DDX31: variants seen among roughly 807,000 people sequenced by gnomAD.
DDX31 encodes DEAD-box helicase 31, also known as ATP-dependent DNA helicase DDX31.
A neutral mutation model predicts 91.3 loss-of-function variants in DDX31; 70 were observed. The ratio of observed to expected loss-of-function variants is 0.77; its 90% CI spans 0.63 to 0.94. The LOEUF (loss-of-function observed/expected upper bound fraction) is 0.94, where lower values mean the gene tolerates loss of function less well. Ranked by LOEUF, DDX31 falls within the 40% of genes least tolerant of loss-of-function variation. The pLI, the probability that DDX31 is intolerant of heterozygous loss-of-function variation, is 0.00. For synonymous variants in DDX31, 362 were observed against 350.6 expected (o/e 1.03, Z -0.36); for missense variants, 902 against 925.0 (o/e 0.98, Z 0.32).
At chr9:132,665,040 C>T (rs1449897719) in intron 1 of DDX31, among the ~76,000 whole-genome samples, 7 of 152,190 alleles carry the variant, frequency 4.6e-5, no homozygotes, top group Non-Finnish European at 1.0e-4. Context: ...GTATTCTCCT[C>T]CATAGCATTC....
rs141636725 is a variant in DDX31 at position 132,643,342 on chromosome 9, T to G, written c.1381-1279A>C. ...CACTTGAGTTGGTCACATTCACCTG[T>G]CAGCAGCAAATACAAAGAAATAGAA... On this transcript the variant is annotated intron_variant, in intron 13 of 19. Transcript: ENST00000372159. 3.5e-4 allele frequency among the ~76,000 whole-genome samples: 53 copies of G among 152,316 alleles called. No individual in the cohort carries two copies. The East Asian group carries it at 9.5e-3, about 27-fold the overall frequency.
At chr9:132,601,193 T>C (rs1160114824) in intron 19 of DDX31, among the ~76,000 whole-genome samples, 3 of 152,152 alleles carry the variant, frequency 2.0e-5, no homozygotes, top group African/African-American at 7.2e-5. Flanking sequence ...GTCTACCACA[T>C]CTGCAGGAAC....
chr9:132,601,970 C>A (rs188492727), intron 19 of DDX31, among the ~76,000 whole-genome samples: 2 of 152,098 alleles, frequency 1.3e-5, no homozygotes, highest in Non-Finnish European at 2.9e-5. Context: ...ATTAACAGCA[C>A]GAAAAAGAGA....
At chr9:132,642,192 G>C in intron 13 of DDX31, 129 bp from the exon 14 acceptor site, 1 of 789,960 alleles carries the variant, frequency 1.3e-6, no homozygotes, top group Middle Eastern at 2.3e-4. Context: ...GGTTTGCCAG[G>C]AAAGAGGAAG....
Position 132,619,777 on chromosome 9 carries a change from A to AT in DDX31, c.1714-1337dup, listed in dbSNP as rs113789940. 4.3e-3 allele frequency among the ~76,000 whole-genome samples: 619 copies of AT among 142,436 alleles called. 2 individuals carry two copies. Among genetic ancestry groups the AT allele is most frequent in the South Asian group, 0.018 (81 of 4,476 alleles). The allele number at this position is 142,436 out of a possible 152,430, so 93.4% of individuals were successfully genotyped here. The stretch of plus-strand genomic sequence containing the variant: ...ACATTTGCTATTGTCATTAACAAGG[A>AT]TTTTTTTTTTTTTACCCTCTTAACT... On this transcript the variant is annotated intron_variant, in intron 17 of 19. Transcript: ENST00000372159.
chr9:132,660,348 A>G (rs1394647092), intron 4 of DDX31, among the ~76,000 whole-genome samples: 1 of 151,850 alleles, frequency 6.6e-6, no homozygotes, highest in Non-Finnish European at 1.5e-5. Context: ...AAAAAAAAAA[A>G]AAAAGAAAAA....
At chr9:132,642,215 T>C (rs1249139106) in intron 13 of DDX31, 152 bp from the exon 14 acceptor site, 2 of 709,598 alleles carry the variant, frequency 2.8e-6, no homozygotes, top group Middle Eastern at 2.4e-4. Context: ...GCGGATTCTT[T>C]ACATCTTCTA....
chr9:132,600,567 T>G (rs1309676451), intron 19 of DDX31, among the ~76,000 whole-genome samples: 2 of 152,142 alleles, frequency 1.3e-5, no homozygotes, highest in Non-Finnish European at 2.9e-5. Flanking sequence ...CCCGGCACAC[T>G]TGCTGCCTGG....
chr9:132,667,119 G>T (rs1835364859), intron 1 of DDX31, among the ~76,000 whole-genome samples: 1 of 151,978 alleles, frequency 6.6e-6, no homozygotes, highest in African/African-American at 2.4e-5. Flanking sequence ...AAAGTGATGA[G>T]ATTACAGGTG....
chr9:132,651,062 T>C lies in DDX31; in HGVS notation c.675+13A>G. ...AGCAAGCAAGATGAAATGGAACTCA[T>C]GGTTTGCCTTACCTTAAGCAGTTTC... On this transcript the variant is annotated intron_variant, in intron 8 of 19. Coordinates refer to ENST00000372159, the MANE Select transcript of DDX31 (RefSeq NM_022779.9). 1 of 1,608,148 alleles carries C rather than the reference T, an allele frequency of 6.2e-7. No individual in the cohort carries two copies. The highest frequency in any genetic ancestry group is 1.3e-5 in the African/African-American group (1 of 74,748).
At chr9:132,609,627 T>C (rs958704028) in intron 19 of DDX31, among the ~76,000 whole-genome samples, 4 of 152,190 alleles carry the variant, frequency 2.6e-5, no homozygotes, top group African/African-American at 9.7e-5. Flanking sequence ...TGTTTCTTTT[T>C]TTTTTCTTCT....
intron 19 of DDX31, among the ~76,000 whole-genome samples, chr9:132,609,114 C>A (rs1042942458): frequency 2.0e-5 from 3 of 152,010 alleles, no homozygotes; most frequent in East Asian, 1.9e-4. Context: ...GGCATAGCAA[C>A]GGAAAAAGTA....
chr9:132,630,443 G>T, intron 15 of DDX31, 40 bp from the exon 16 acceptor site: 1 of 1,548,270 alleles, frequency 6.5e-7, no homozygotes, highest in South Asian at 1.2e-5. Flanking sequence ...CATAGATCAA[G>T]GGACTGCCAT....
At chr9:132,644,498 A>G (rs1262679736) in intron 13 of DDX31, among the ~76,000 whole-genome samples, 1 of 152,222 alleles carries the variant, frequency 6.6e-6, no homozygotes, top group Non-Finnish European at 1.5e-5. Context: ...GACAGCCAGG[A>G]CAAGACCACA....
intron 19 of DDX31, among the ~76,000 whole-genome samples, chr9:132,599,632 A>G (rs915780077): frequency 1.3e-5 from 2 of 152,254 alleles, no homozygotes; most frequent in Non-Finnish European, 2.9e-5. Context: ...GAAATGCCAG[A>G]GTATTTTAAT....
intron 14 of DDX31, among the ~76,000 whole-genome samples, chr9:132,640,280 T>C (rs1833413038): frequency 6.6e-6 from 1 of 152,004 alleles, no homozygotes; most frequent in Non-Finnish European, 1.5e-5. Context: ...CTAAAGATGG[T>C]TTAGTCAAAA....
chr9:132,620,869 A>C (rs978447440), intron 17 of DDX31, among the ~76,000 whole-genome samples: 9 of 152,194 alleles, frequency 5.9e-5, no homozygotes, highest in African/African-American at 1.9e-4. Context: ...GTACTGGTTA[A>C]TGAAGCTAAC....
rs750140971 is a variant in DDX31 at position 132,630,405 on chromosome 9, T to C, written c.1492-2A>G. 2 of 1,580,212 alleles carry C rather than the reference T, an allele frequency of 1.3e-6. No homozygotes were observed. Among genetic ancestry groups the C allele is most frequent in the Admixed American group, 3.4e-5 (2 of 59,034 alleles). ...TGCAGGTGAAGATGGAGCGTTGTAC[T>C]AAAAAGGGTAACAAAAATGAAGGCA... On this transcript the variant is annotated splice_acceptor_variant, in intron 15 of 19. Transcript: ENST00000372159. LOFTEE classifies it high-confidence loss of function.
rs116355313 is a variant in DDX31, at chr9:132,608,765, G to A, written c.1994+3322C>T. ...TTGACAGACGGATTTCAGAGGAGAC[G>A]TTTCAGCTCAGAACAGTAATTGTGA... On this transcript the variant is annotated intron_variant, in intron 19 of 19. Transcript: ENST00000372159. Among the ~76,000 whole-genome samples the A allele has an allele frequency of 2.8e-3, 422 of 152,314 alleles. 2 individuals carry two copies. Among genetic ancestry groups the A allele is most frequent in the African/African-American group, 9.8e-3 (409 of 41,560 alleles).
Sources: gnomAD v4.1 joint callset for allele counts (sites outside exome capture counted in the v4.1 genomes callset) on GRCh38, gnomAD v4.1.1 for gene constraint, MANE v1.5 for transcripts, NCBI Gene and HGNC (gene_info 2026-07-23, HGNC 2026-07-21) for gene names.